KCNIP2: variants seen among roughly 807,000 people sequenced by gnomAD.
KCNIP2 encodes the protein A-type potassium channel modulatory protein KCNIP2.
Under a neutral mutation model 39.0 loss-of-function variants are expected in KCNIP2, and 19 were observed. The ratio of observed to expected loss-of-function variants is 0.49; its 90% CI spans 0.34 to 0.71. The LOEUF (loss-of-function observed/expected upper bound fraction) is 0.71. Among genes scored for constraint, KCNIP2 ranks in the 30% least tolerant of loss-of-function variants. KCNIP2 has a pLI of 0.01. For missense variants in KCNIP2, 261 were observed against 346.0 expected, an observed-to-expected ratio of 0.75 and a Z score of 1.95; for synonymous variants, 111 against 131.2, an observed-to-expected ratio of 0.85 and a Z score of 1.05.
intron 1 of KCNIP2, among the ~76,000 whole-genome samples, chr10:101,831,854 T>A (rs558106325): frequency 1.3e-5 from 2 of 152,282 alleles, no homozygotes; most frequent in Admixed American, 1.3e-4. Flanking sequence ...CTTATAACAT[T>A]ATGAGACATA....
chr10:101,830,480 C>A, intron 2 of KCNIP2: 2 of 1,272,050 alleles, frequency 1.6e-6, no homozygotes, highest in South Asian at 1.3e-5. Flanking sequence ...GCCGCCACAG[C>A]TACACAGGCT....
In KCNIP2 at chr10:101,843,204, C is replaced by G. The variant is rs971384782; in HGVS notation, c.73+292G>C. Among the ~76,000 whole-genome samples, 1 of 152,180 alleles carries G rather than the reference C, an allele frequency of 6.6e-6. No individual in the cohort carries two copies. The highest frequency in any genetic ancestry group is 6.5e-5 in the Admixed American group (1 of 15,284). ...GCGCGCGCACACACACACACACACA[C>G]AGAATGACAGGTGCTCACGCACGTA... is the stretch of plus-strand genomic sequence containing the variant. On this transcript the variant is annotated intron_variant, in intron 1 of 9. Transcript: ENST00000356640. The surrounding 1 kb of genome is among the most constrained non-coding windows in gnomAD (Gnocchi z 6.7).
At position 101,843,729 on chromosome 10, in the gene KCNIP2, C is replaced by A; in HGVS notation, c.-161G>T. The A allele has an allele frequency of 2.4e-6, 1 of 422,990 alleles. No individual in the cohort carries two copies. The highest frequency in any genetic ancestry group is 4.2e-6 in the Non-Finnish European group (1 of 239,750). The allele number at this position is 422,990 out of a possible 1,614,324, so 26.2% of individuals were successfully genotyped here. A position where few individuals can be genotyped will look rare whatever the true frequency, so the allele number is the denominator to read the frequency against. On this transcript the variant is annotated 5_prime_UTR_variant, in exon 1 of 10. Transcript: ENST00000356640. This position sits in a 1 kb window ranked among gnomAD's most constrained non-coding sequence, Gnocchi z 6.7. ...GAATGGGCCCGGGGTCTGAGGTCTACCCGGAGGTCCTGGAGCAGGAGAGGG... is the reference window on the plus strand; with the variant it reads ...GAATGGGCCCGGGGTCTGAGGTCTAACCGGAGGTCCTGGAGCAGGAGAGGG...
chr10:101,828,213 C>A lies in KCNIP2; in HGVS notation c.535G>T (p.Asp179Tyr). Reference sequence around the variant, plus strand: ...AGGTTGAAGGCCCAATTAAGCCTGTCATCTACAGTTCCCCGAAGAATCACG... The same window carrying A: ...AGGTTGAAGGCCCAATTAAGCCTGTAATCTACAGTTCCCCGAAGAATCACG... The part of the protein sequence containing the change: ...LSVILRGTVD[D>Y]RLNWAFNLYD... The change falls in exon 7 of 10, where the codon GAC becomes TAC. Residue 179 changes from aspartate to tyrosine, a missense_variant. Physicochemically the swap from Asp to Tyr is radical, Grantham distance 160. Coordinates refer to ENST00000356640, the MANE Select transcript of KCNIP2 (RefSeq NM_173191.3). The surrounding 1 kb of genome is among the most constrained non-coding windows in gnomAD (Gnocchi z 6.6). 1 of 1,614,150 alleles carries A rather than the reference C, an allele frequency of 6.2e-7. No homozygotes were observed.
In KCNIP2 at chr10:101,828,876, T is replaced by G; in HGVS notation, c.349-180A>C. The G allele has an allele frequency of 6.5e-7, 1 of 1,546,880 alleles. No homozygotes were observed. Among genetic ancestry groups the G allele is most frequent in the Non-Finnish European group, 8.7e-7 (1 of 1,145,538 alleles). On this transcript the variant is annotated intron_variant, in intron 4 of 9. Coordinates refer to ENST00000356640, the MANE Select transcript of KCNIP2 (RefSeq NM_173191.3). The surrounding 1 kb of genome is among the most constrained non-coding windows in gnomAD (Gnocchi z 6.6). Reference sequence around the variant, plus strand: ...TTTCCCAGTGCACAAATAAAAAACATGGAACGAAACTGACAGTCTACAGGC... The same window carrying G: ...TTTCCCAGTGCACAAATAAAAAACAGGGAACGAAACTGACAGTCTACAGGC...
chr10:101,829,444 G>T, intron 3 of KCNIP2: 1 of 509,456 alleles, frequency 2.0e-6, no homozygotes, highest in Non-Finnish European at 3.4e-6. Flanking sequence ...CTCAGTGCTC[G>T]CCCCGCGGCC....
At chr10:101,835,628 TCCCTC>T (rs937016195) in intron 1 of KCNIP2, among the ~76,000 whole-genome samples, 10 of 151,502 alleles carry the variant, frequency 6.6e-5, no homozygotes, top group African/African-American at 1.9e-4. Context: ...ATCCCCGGAG[TCCCTC>T]CCTCCTCTTC....
intron 1 of KCNIP2, among the ~76,000 whole-genome samples, chr10:101,836,596 T>C (rs1460845184): frequency 6.6e-6 from 1 of 152,172 alleles, no homozygotes; most frequent in African/African-American, 2.4e-5. Flanking sequence ...TAGGGATTGC[T>C]TGCCAATCCC....
intron 1 of KCNIP2, among the ~76,000 whole-genome samples, chr10:101,833,086 C>G (rs1202010105): frequency 6.6e-6 from 1 of 151,962 alleles, no homozygotes; most frequent in Non-Finnish European, 1.5e-5. Flanking sequence ...GCACCTTCCT[C>G]TTGTTCCCAG....
At position 101,827,325 on chromosome 10, in the gene KCNIP2, A is replaced by T. The variant is rs778918204; in HGVS notation, c.*28T>A. The T allele has an allele frequency of 6.3e-7, 1 of 1,588,388 alleles. No homozygotes were observed. Among genetic ancestry groups the T allele is most frequent in the Admixed American group, 1.7e-5 (1 of 58,174 alleles). ...ACTAGGGTTAGAGCATGGTCCCCCC[A>T]GGAAACACTGACCCCCTCTCCTGGG... On this transcript the variant is annotated 3_prime_UTR_variant, in exon 10 of 10. Transcript: ENST00000356640.
At chr10:101,830,475 C>A (rs1039361058) in intron 2 of KCNIP2, 9 of 1,273,454 alleles carry the variant, frequency 7.1e-6, no homozygotes, top group Non-Finnish European at 9.2e-6. Flanking sequence ...CACAGGCCGC[C>A]ACAGCTACAC....
At position 101,827,787 on chromosome 10, in the gene KCNIP2, G is replaced by T. The variant is rs369666641; in HGVS notation, c.703-36C>A. ...GTGGTCAGGCAGGGAGAACAGGAGG[G>T]ATGGCAAGAGAGAGGCAGACAGAAG... On this transcript the variant is annotated intron_variant, in intron 8 of 9. Transcript: ENST00000356640. The T allele has an allele frequency of 1.3e-5, 21 of 1,561,662 alleles. No individual in the cohort carries two copies. The African/African-American group carries it at 2.8e-4, about 21-fold the overall frequency.
intron 1 of KCNIP2, among the ~76,000 whole-genome samples, chr10:101,836,931 A>G (rs1280464161): frequency 6.6e-6 from 1 of 152,000 alleles, no homozygotes; most frequent in Non-Finnish European, 1.5e-5. Flanking sequence ...ACTGCACTCC[A>G]GCCTGAGCAA....
chr10:101,839,757 G>A, intron 1 of KCNIP2: 2 of 1,612,566 alleles, frequency 1.2e-6, no homozygotes, highest in Middle Eastern at 1.7e-4. Flanking sequence ...TCATACCTGG[G>A]GACAGCGACC....
chr10:101,827,602 G>A, intron 9 of KCNIP2, 87 bp downstream of exon 9: 1 of 1,441,342 alleles, frequency 6.9e-7, no homozygotes, highest in Non-Finnish European at 9.8e-7. Flanking sequence ...GTGGGAAGGT[G>A]GTATTCTTCC....
intron 1 of KCNIP2, among the ~76,000 whole-genome samples, chr10:101,841,168 G>C (rs2066325828): frequency 6.6e-6 from 1 of 152,206 alleles, no homozygotes; most frequent in African/African-American, 2.4e-5. Context: ...GAGTGGGGAA[G>C]TAAAATGTTC....
chr10:101,835,824 C>T (rs2135183158), intron 1 of KCNIP2, among the ~76,000 whole-genome samples: 1 of 152,332 alleles, frequency 6.6e-6, no homozygotes, highest in Admixed American at 6.5e-5. Context: ...GGTGTTGTAA[C>T]ACCGAATTTT....
At chr10:101,839,940 G>A in intron 1 of KCNIP2, 1 of 1,167,134 alleles carries the variant, frequency 8.6e-7, no homozygotes. Context: ...GGCGCGGGAG[G>A]GCCGGCCCGG....
intron 1 of KCNIP2, among the ~76,000 whole-genome samples, chr10:101,840,783 T>C (rs759914820): frequency 1.3e-5 from 2 of 152,188 alleles, no homozygotes; most frequent in Non-Finnish European, 2.9e-5. Context: ...TCTTGTCCAC[T>C]TGACGGCGAC....
Sources: allele counts gnomAD v4.1 joint callset (sites outside exome capture counted in the v4.1 genomes callset), GRCh38; gene constraint gnomAD v4.1.1; non-coding constraint Gnocchi (gnomAD v3.1); transcripts MANE v1.5; gene names NCBI Gene and HGNC (gene_info 2026-07-23, HGNC 2026-07-21).